DNAJC12: variants seen among roughly 807,000 people sequenced by gnomAD.
DNAJC12 encodes the protein DnaJ heat shock protein family (Hsp40) member C12.
Under a neutral mutation model 28.5 loss-of-function variants are expected in DNAJC12, and 25 were observed. The ratio of observed to expected loss-of-function variants is 0.88; its 90% CI spans 0.64 to 1.22. The LOEUF (loss-of-function observed/expected upper bound fraction) is 1.22, where lower values mean the gene tolerates loss of function less well. DNAJC12 is among the 50% of genes most tolerant of loss of function. DNAJC12 has a pLI of 0.00. For missense variants in DNAJC12, 222 were observed against 231.7 expected (o/e 0.96, Z 0.27); for synonymous variants, 77 against 80.6 (o/e 0.95, Z 0.24).
At chr10:67,798,041 GA>G (rs1186393477) in intron 4 of DNAJC12, among the ~76,000 whole-genome samples, 5,957 of 101,346 alleles carry the variant, frequency 0.059, 147 homozygotes, top group South Asian at 0.13. Context: ...TTCTGTCTCA[GA>G]AAAAAAAAAA....
chr10:67,826,285 C>A (rs995967103), intron 1 of DNAJC12, among the ~76,000 whole-genome samples: 1 of 151,392 alleles, frequency 6.6e-6, no homozygotes, highest in Non-Finnish European at 1.5e-5. Context: ...CAGACACAGG[C>A]AACCACACCC....
In DNAJC12 at chr10:67,819,816, G is replaced by T. The variant is rs77388759; in HGVS notation, c.157+3498C>A. Among the ~76,000 whole-genome samples the T allele has an allele frequency of 2.3e-3, 339 of 147,260 alleles. 1 individual carries two copies. Among genetic ancestry groups the T allele is most frequent in the African/African-American group, 8.4e-3 (318 of 37,744 alleles). On this transcript the variant is annotated intron_variant, in intron 2 of 4. Transcript: ENST00000225171. ...AGGAAGGAAGGAAGGAAGGAAGGAA[G>T]GAATGTTTATGCATTCACTTATTCA...
At chr10:67,800,671 C>T (rs1440581317) in intron 4 of DNAJC12, among the ~76,000 whole-genome samples, 7 of 152,046 alleles carry the variant, frequency 4.6e-5, no homozygotes, top group African/African-American at 1.4e-4. Context: ...CTTGGTGGGA[C>T]GCGGCGGCTC....
chr10:67,816,089 T>A, intron 2 of DNAJC12: 1 of 398,510 alleles, frequency 2.5e-6, no homozygotes, highest in East Asian at 3.6e-5. Context: ...GAGCAAATGA[T>A]GCTGGAAGTC....
At chr10:67,820,692 T>C (rs1437644955) in intron 2 of DNAJC12, among the ~76,000 whole-genome samples, 2 of 152,160 alleles carry the variant, frequency 1.3e-5, no homozygotes, top group African/African-American at 4.8e-5. Context: ...TGATCTGTTT[T>C]TGCAAATCAA....
At chr10:67,823,237 A>G in intron 2 of DNAJC12, 77 bp downstream of exon 2, 1 of 1,210,256 alleles carries the variant, frequency 8.3e-7, no homozygotes, top group Non-Finnish European at 1.2e-6. Context: ...AATTGAGAAA[A>G]TTAAGTTACT....
chr10:67,798,039 C>CAAAA (rs759359409), intron 4 of DNAJC12, among the ~76,000 whole-genome samples: 6,062 of 124,072 alleles, frequency 0.049, 360 homozygotes, highest in African/African-American at 0.16. Context: ...GATTCTGTCT[C>CAAAA]AGAAAAAAAA....
At chr10:67,815,479 G>A (rs1841905468) in intron 2 of DNAJC12, among the ~76,000 whole-genome samples, 1 of 130,554 alleles carries the variant, frequency 7.7e-6, no homozygotes, top group African/African-American at 3.1e-5. Context: ...TTGCGCTCCA[G>A]CCTGGGCAAC....
chr10:67,833,438 C>CCTCTCT (rs3084613), intron 1 of DNAJC12, among the ~76,000 whole-genome samples: 44 of 149,374 alleles, frequency 2.9e-4, no homozygotes, highest in Admixed American at 2.9e-3. Flanking sequence ...TCTCCCTCTC[C>CCTCTCT]CTCTCTCTCT....
chr10:67,818,880 C>T (rs1219161054), intron 2 of DNAJC12, among the ~76,000 whole-genome samples: 1 of 152,180 alleles, frequency 6.6e-6, no homozygotes, highest in South Asian at 2.1e-4. Flanking sequence ...GTCTCAAGTT[C>T]CTGACCTCAG....
At chr10:67,833,273 T>G (rs1455375006) in intron 1 of DNAJC12, among the ~76,000 whole-genome samples, 5 of 152,170 alleles carry the variant, frequency 3.3e-5, no homozygotes, top group African/African-American at 4.8e-5. Flanking sequence ...CCAAGATCAT[T>G]CACTTATATT....
intron 1 of DNAJC12, among the ~76,000 whole-genome samples, chr10:67,831,152 C>A (rs552415911): frequency 5.1e-4 from 78 of 152,210 alleles, no homozygotes; most frequent in Non-Finnish European, 1.0e-3. Flanking sequence ...CGCACCATTG[C>A]ACTCCAGTCT....
chr10:67,832,163 G>A (rs895633946), intron 1 of DNAJC12, among the ~76,000 whole-genome samples: 3 of 151,766 alleles, frequency 2.0e-5, no homozygotes, highest in African/African-American at 4.8e-5. Flanking sequence ...TACTCGGGGG[G>A]CTGAGGCAGG....
intron 4 of DNAJC12, among the ~76,000 whole-genome samples, chr10:67,798,395 G>T (rs964247386): frequency 4.6e-5 from 7 of 151,872 alleles, no homozygotes; most frequent in Non-Finnish European, 7.4e-5. Flanking sequence ...TCTAAAAAAA[G>T]AAGGCCCAGC....
At chr10:67,828,158 A>ATATT (rs1157270341) in intron 1 of DNAJC12, among the ~76,000 whole-genome samples, 1 of 152,216 alleles carries the variant, frequency 6.6e-6, no homozygotes, top group African/African-American at 2.4e-5. Context: ...TATCCAAAGG[A>ATATT]TTGTAACGAC....
Position 67,833,438 on chromosome 10 carries a change from C to CCTCT in DNAJC12, c.78+4492_78+4495dup, listed in dbSNP as rs3084613. Among the ~76,000 whole-genome samples, 18 of 149,372 alleles carry CCTCT rather than the reference C, an allele frequency of 1.2e-4. No homozygotes were observed. In the East Asian group the frequency reaches 2.6e-3, roughly 21 times the overall value. On this transcript the variant is annotated intron_variant, in intron 1 of 4. Coordinates refer to ENST00000225171, the MANE Select transcript of DNAJC12 (RefSeq NM_021800.3). ...GAAATATCCTCTCTCTCTCCCTCTC[C>CCTCT]CTCTCTCTCTCTCTCTCTCTCTGTC... is the stretch of plus-strand genomic sequence containing the variant.
chr10:67,803,193 T>G (rs9804180), intron 4 of DNAJC12, among the ~76,000 whole-genome samples: 1 of 152,006 alleles, frequency 6.6e-6, no homozygotes, highest in East Asian at 1.9e-4. Flanking sequence ...GACACTAATA[T>G]TTTGACCATT....
rs1841793207 is a variant in DNAJC12, at chr10:67,805,682, T to C, written c.403A>G (p.Arg135Gly). 1 of 1,613,956 alleles carries C rather than the reference T, an allele frequency of 6.2e-7. No individual in the cohort carries two copies. The highest frequency in any genetic ancestry group is 1.3e-5 in the African/African-American group (1 of 75,048). Residue 135 changes from arginine to glycine, a missense_variant, in exon 4 of 5, where the codon AGA (arginine) becomes GGA (glycine). Arg to Gly is a moderately radical substitution (Grantham distance 125). Coordinates refer to ENST00000225171, the MANE Select transcript of DNAJC12 (RefSeq NM_021800.3). ...GTTGAAGCCAGCTCCTCTTTCTTTC[T>C]TTCTCTTTGCTCATTACATTCCTCA... ...ENEECNEQRE[R>G]KKEELASTAE...
intron 4 of DNAJC12, among the ~76,000 whole-genome samples, chr10:67,798,449 G>T (rs1384005384): frequency 6.6e-6 from 1 of 152,046 alleles, no homozygotes; most frequent in Non-Finnish European, 1.5e-5. Flanking sequence ...GGAGGCCGAG[G>T]CAGGTGCCTC....
Sources: gnomAD v4.1 joint callset for allele counts (sites outside exome capture counted in the v4.1 genomes callset) on GRCh38, gnomAD v4.1.1 for gene constraint, MANE v1.5 for transcripts, NCBI Gene and HGNC (gene_info 2026-07-23, HGNC 2026-07-21) for gene names.